The following HEPHL1 variants were observed in gnomAD, a reference collection of about 807,000 sequenced individuals.
HEPHL1 encodes the protein hephaestin like 1.
Under a neutral mutation model 122.0 loss-of-function variants are expected in HEPHL1, and 123 were observed. The observed-to-expected ratio is 1.01, with a 90% CI of 0.87 to 1.17. The LOEUF (loss-of-function observed/expected upper bound fraction) is 1.17, where lower values mean the gene tolerates loss of function less well. Ranked by LOEUF, HEPHL1 falls within the 50% of genes most tolerant of loss-of-function variation. The probability of loss-of-function intolerance (pLI) is 0.00; values close to 1 mark genes in which losing one functional copy is unlikely to be tolerated. For missense variants in HEPHL1, 1,452 were observed against 1,430.5 expected (o/e 1.01, Z -0.24); for synonymous variants, 527 against 508.9 (o/e 1.04, Z -0.48).
At chr11:94,102,887 A>G (rs761131139) in intron 14 of HEPHL1, 27 bp from the exon 15 acceptor site, 11 of 1,133,282 alleles carry the variant, frequency 9.7e-6, no homozygotes. Context: ...TAATTCTAAT[A>G]AATTTTTTCC....
chr11:94,023,483 T>C (rs764069274), intron 1 of HEPHL1, among the ~76,000 whole-genome samples: 1 of 152,054 alleles, frequency 6.6e-6, no homozygotes, highest in South Asian at 2.1e-4. Flanking sequence ...CTGGAAGAAG[T>C]TGGGGTCTCT....
At position 94,063,715 on chromosome 11, in the gene HEPHL1, A is replaced by G. The variant is rs1946008486; in HGVS notation, c.623A>G (p.Lys208Arg). ...CTAATTGGGCCCCTGCTGGTCTGCA[A>G]GGAAGGTAAGGAGCTTTGTTTCCAG... is the stretch of plus-strand genomic sequence containing the variant. Reference protein sequence around the residue: ...SGLIGPLLVCKEGILNRYSGT... With the variant: ...SGLIGPLLVCREGILNRYSGT... The change falls in exon 3 of 20, where the codon AAG becomes AGG. Residue 208 changes from lysine (K) to arginine (R), a missense_variant. By Grantham distance (26) the Lys-to-Arg change is conservative. Transcript: ENST00000315765. 3 of 1,613,076 alleles carry G rather than the reference A, an allele frequency of 1.9e-6. No individual in the cohort carries two copies. Among genetic ancestry groups the G allele is most frequent in the Non-Finnish European group, 2.5e-6 (3 of 1,179,388 alleles).
At chr11:94,084,983 CA>C (rs1424293849) in intron 10 of HEPHL1, among the ~76,000 whole-genome samples, 1 of 152,130 alleles carries the variant, frequency 6.6e-6, no homozygotes, top group Non-Finnish European at 1.5e-5. Context: ...ACCAACCTAA[CA>C]AAAAGTAATT....
Position 94,111,042 on chromosome 11 carries a change from C to A in HEPHL1, c.3185C>A (p.Thr1062Asn). Residue 1062 changes from threonine to asparagine, a missense_variant, in exon 18 of 20, where the codon ACC becomes AAC. Thr to Asn is a moderately conservative substitution (Grantham distance 65, BLOSUM62 0). Transcript: ENST00000315765. ...CACATCCATGCTGGCATGGAGACAA[C>A]CTACACGGTCCTTCGTAACATAGGT... is the stretch of plus-strand genomic sequence containing the variant. Reference protein sequence around the residue: ...SDHIHAGMETTYTVLRNIDNR... With the variant: ...SDHIHAGMETNYTVLRNIDNR... 1.3e-6 allele frequency: 2 copies of A among 1,599,906 alleles called. No individual in the cohort carries two copies. The highest frequency in any genetic ancestry group is 1.7e-6 in the Non-Finnish European group (2 of 1,172,290).
At position 94,063,666 on chromosome 11, in the gene HEPHL1, G is replaced by A. The variant is rs765796645; in HGVS notation, c.574G>A (p.Ala192Thr). 7.4e-6 allele frequency: 12 copies of A among 1,613,668 alleles called. No homozygotes were observed. The highest frequency in any genetic ancestry group is 1.6e-4 in the Middle Eastern group (1 of 6,074). Residue 192 changes from alanine (A) to threonine (T), a missense_variant, in exon 3 of 20, where the codon GCC (alanine) becomes ACC (threonine). Transcript: ENST00000315765. The stretch of plus-strand genomic sequence containing the variant: ...CTGGGTGTACCATTCGCACATCGAC[G>A]CCCCAAAGGACATCTGCTCTGGGCT... ...LTWVYHSHIDAPKDICSGLIG... is the reference protein window; with the variant it reads ...LTWVYHSHIDTPKDICSGLIG...
intron 9 of HEPHL1, 125 bp from the exon 10 acceptor site, chr11:94,082,293 G>A (rs769999608): frequency 7.4e-5 from 41 of 555,680 alleles, no homozygotes; most frequent in Admixed American, 3.0e-4. Context: ...AATGACCTGC[G>A]AACTCTTGGG....
intron 2 of HEPHL1, among the ~76,000 whole-genome samples, chr11:94,060,092 TTATATATATATATATATATATATA>T (rs1164147552): frequency 0.084 from 219 of 2,594 alleles, 4 homozygotes; most frequent in Admixed American, 0.11. Context: ...TCATATTTTA[TTATATATATATATATATATATATA>T]TATATATATA....
chr11:94,085,196 G>T (rs564563593), intron 10 of HEPHL1, among the ~76,000 whole-genome samples: 1 of 152,104 alleles, frequency 6.6e-6, no homozygotes, highest in Non-Finnish European at 1.5e-5. Context: ...GTGAGAATGC[G>T]GTTTCTAAAT....
rs925290822 is a variant in HEPHL1, at chr11:94,113,625, C to A, written c.*1731C>A. 6.6e-6 allele frequency: 1 copy of A among 152,012 alleles called. No individual in the cohort carries two copies. The highest frequency in any genetic ancestry group is 1.5e-5 in the Non-Finnish European group (1 of 68,000). 9.4% of individuals were successfully genotyped at this position (152,012 alleles called of 1,614,324 possible). On this transcript the variant is annotated 3_prime_UTR_variant, in exon 20 of 20. Transcript: ENST00000315765. The stretch of plus-strand genomic sequence containing the variant: ...ATTATGGTAAATGCCTTATTTATTA[C>A]CCACCTTAGTAAGACAAGTTGTTCA...
chr11:94,103,543 A>G (rs1037962795), intron 15 of HEPHL1, among the ~76,000 whole-genome samples: 2 of 152,234 alleles, frequency 1.3e-5, no homozygotes, highest in African/African-American at 4.8e-5. Flanking sequence ...CTCTAAACAT[A>G]GTAACTGAAA....
At chr11:94,065,282 C>T (rs1029927093) in intron 4 of HEPHL1, among the ~76,000 whole-genome samples, 2 of 152,194 alleles carry the variant, frequency 1.3e-5, no homozygotes, top group Admixed American at 1.3e-4. Context: ...CCAAGGTATC[C>T]TCAATATAGT....
chr11:94,096,503 G>C (rs1946315326), intron 13 of HEPHL1, among the ~76,000 whole-genome samples: 1 of 152,140 alleles, frequency 6.6e-6, no homozygotes, highest in Non-Finnish European at 1.5e-5. Context: ...TGTCTGCCAG[G>C]CTTTGGTATC....
intron 14 of HEPHL1, 70 bp downstream of exon 14, chr11:94,101,405 G>A: frequency 6.6e-7 from 1 of 1,513,014 alleles, no homozygotes; most frequent in Non-Finnish European, 9.0e-7. Flanking sequence ...TGGTCTCAGA[G>A]GTGTCTTAAA....
At chr11:94,050,336 G>C (rs796531912) in intron 2 of HEPHL1, among the ~76,000 whole-genome samples, 34 of 151,892 alleles carry the variant, frequency 2.2e-4, no homozygotes, top group African/African-American at 7.7e-4. Context: ...TTTTTCTTTT[G>C]ACTTATTACA....
rs1946444030 is a variant in HEPHL1, at chr11:94,110,958, C to T, written c.3101C>T (p.Thr1034Ile). 6.2e-7 allele frequency: 1 copy of T among 1,612,700 alleles called. No homozygotes were observed. The highest frequency in any genetic ancestry group is 8.5e-7 in the Non-Finnish European group (1 of 1,179,428). ...VYDLFPGTFQ[T>I]IELFADHPGT... ...GATCTCTTTCCTGGGACATTCCAAA[C>T]CATTGAACTGTTTGCAGATCACCCA... The change falls in exon 18 of 20, where the codon ACC becomes ATC. Residue 1034 changes from threonine to isoleucine, a missense_variant. Transcript: ENST00000315765.
chr11:94,021,664 T>G lies in HEPHL1; in HGVS notation c.170+126T>G, dbSNP rs1329575747. 3 of 744,696 alleles carry G rather than the reference T, an allele frequency of 4.0e-6. No homozygotes were observed. The African/African-American group carries it at 5.2e-5, about 13-fold the overall frequency. 46.1% of individuals were successfully genotyped at this position (744,696 alleles called of 1,614,324 possible). The stretch of plus-strand genomic sequence containing the variant: ...TGATCTAGACCAAGAGAAGGTGTTT[T>G]GTTTTTTGCTTGAAGAGCCCTAGTA... On this transcript the variant is annotated intron_variant, in intron 1 of 19. Coordinates refer to ENST00000315765, the MANE Select transcript of HEPHL1 (RefSeq NM_001098672.2).
At chr11:94,032,812 G>A (rs1476356103) in intron 1 of HEPHL1, among the ~76,000 whole-genome samples, 2 of 152,196 alleles carry the variant, frequency 1.3e-5, no homozygotes, top group East Asian at 1.9e-4. Context: ...TAAGATCTCA[G>A]GAGTTGGGCA....
At chr11:94,060,514 G>C (rs959323627) in intron 2 of HEPHL1, among the ~76,000 whole-genome samples, 1 of 152,054 alleles carries the variant, frequency 6.6e-6, no homozygotes, top group African/African-American at 2.4e-5. Flanking sequence ...ACTCTTAAGA[G>C]GTAGGCATTT....
At chr11:94,043,221 G>C (rs1167742505) in intron 1 of HEPHL1, among the ~76,000 whole-genome samples, 2 of 152,118 alleles carry the variant, frequency 1.3e-5, no homozygotes, top group Non-Finnish European at 2.9e-5. Context: ...GTTGATTAGA[G>C]GGGAAAAAGT....
Sources: allele counts gnomAD v4.1 joint callset (sites outside exome capture counted in the v4.1 genomes callset), GRCh38; gene constraint gnomAD v4.1.1; transcripts MANE v1.5; gene names NCBI Gene and HGNC (gene_info 2026-07-23, HGNC 2026-07-21).